The following ZBTB20 variants were observed in gnomAD, a reference collection of about 807,000 sequenced individuals.
ZBTB20 encodes the protein zinc finger and BTB domain-containing protein 20.
In ZBTB20, 9 loss-of-function variants were observed where a neutral mutation model predicts 56.9. The observed-to-expected ratio is 0.16, with a 90% CI of 0.10 to 0.28. ZBTB20 has a LOEUF of 0.28. Ranked by LOEUF, ZBTB20 falls within the 10% of genes least tolerant of loss-of-function variation. The pLI, the probability that ZBTB20 is intolerant of heterozygous loss-of-function variation, is 1.00. For missense variants in ZBTB20, 655 were observed against 1,003.0 expected (o/e 0.65, Z 4.69); for synonymous variants, 417 against 420.7 (o/e 0.99, Z 0.11).
At chr3:114,848,380 T>C (rs1004932057) in intron 4 of ZBTB20, among the ~76,000 whole-genome samples, 2 of 152,196 alleles carry the variant, frequency 1.3e-5, no homozygotes, top group African/African-American at 4.8e-5. Flanking sequence ...GGCACCGCTA[T>C]AGAGCACTCT....
chr3:114,380,506 G>C (rs2084185990), intron 9 of ZBTB20, 102 bp from the exon 10 acceptor site: 2 of 1,350,858 alleles, frequency 1.5e-6, no homozygotes, highest in African/African-American at 3.0e-5. Flanking sequence ...TTTCTGAAGG[G>C]GGATGGGAGG....
intron 1 of ZBTB20, among the ~76,000 whole-genome samples, chr3:115,123,605 G>A (rs2084242665): frequency 6.6e-6 from 1 of 152,118 alleles, no homozygotes; most frequent in South Asian, 2.1e-4. Flanking sequence ...CAATGACTGA[G>A]GGAAGTTCCT....
At chr3:114,916,253 T>A (rs1014135043) in intron 3 of ZBTB20, among the ~76,000 whole-genome samples, 4 of 152,116 alleles carry the variant, frequency 2.6e-5, no homozygotes, top group African/African-American at 9.7e-5. Context: ...GTATATTTAT[T>A]TACAGTTGTT....
chr3:115,011,219 CA>C (rs1560489222), intron 2 of ZBTB20, among the ~76,000 whole-genome samples: 1 of 151,808 alleles, frequency 6.6e-6, no homozygotes, highest in African/African-American at 2.4e-5. Flanking sequence ...GAGAAAGAGA[CA>C]GGGGTAGAAA....
At chr3:114,880,135 A>C (rs1246700475) in intron 4 of ZBTB20, among the ~76,000 whole-genome samples, 1 of 152,198 alleles carries the variant, frequency 6.6e-6, no homozygotes, top group Non-Finnish European at 1.5e-5. Context: ...TTCTGTGTGC[A>C]ATGATTAGTA....
chr3:115,000,451 T>A (rs959124664), intron 2 of ZBTB20, among the ~76,000 whole-genome samples: 2 of 151,568 alleles, frequency 1.3e-5, no homozygotes, highest in African/African-American at 4.8e-5. Flanking sequence ...TTCCTGTTAG[T>A]TTTGTGGACT....
rs1396543950 is a variant in ZBTB20, at chr3:114,687,774, T to C, written c.-295+5754A>G. The C allele has an allele frequency of 2.4e-4, 36 of 152,086 alleles. 1 individual carries two copies. The highest frequency in any genetic ancestry group is 2.4e-3 in the Admixed American group (36 of 15,262). 9.4% of individuals were successfully genotyped at this position (152,086 alleles called of 1,614,324 possible). Reference sequence around the variant, plus strand: ...TGGGTTTTATTTGATTTAAAGAAAATTGTGAGAGTTCTGATTCTACAAAGG... The same window carrying C: ...TGGGTTTTATTTGATTTAAAGAAAACTGTGAGAGTTCTGATTCTACAAAGG... On this transcript the variant is annotated intron_variant, in intron 6 of 11. Coordinates refer to ENST00000675478, the MANE Select transcript of ZBTB20 (RefSeq NM_001348800.3).
intron 4 of ZBTB20, among the ~76,000 whole-genome samples, chr3:114,844,686 T>G (rs907311711): frequency 6.6e-6 from 1 of 151,442 alleles, no homozygotes. Flanking sequence ...CAGCAACTTA[T>G]GAGGCTTCCA....
chr3:114,886,898 C>T (rs2076622337), intron 4 of ZBTB20, among the ~76,000 whole-genome samples: 1 of 152,106 alleles, frequency 6.6e-6, no homozygotes, highest in South Asian at 2.1e-4. Context: ...TTTCCTGTCG[C>T]CTATAACGGA....
intron 2 of ZBTB20, among the ~76,000 whole-genome samples, chr3:115,013,908 ATG>A (rs35762117): frequency 2.1e-3 from 304 of 147,662 alleles, no homozygotes; most frequent in Middle Eastern, 0.017. Flanking sequence ...CAATCCCTAT[ATG>A]TGTGTGTGTG....
rs149863155 is a variant in ZBTB20 at position 115,026,507 on chromosome 3, A to G, written c.-507+44712T>C. Among the ~76,000 whole-genome samples the G allele has an allele frequency of 3.9e-3, 590 of 151,058 alleles. 4 individuals carry two copies. The highest frequency in any genetic ancestry group is 0.013 in the African/African-American group (550 of 41,394). ...TGTGACAATCAGACGGACTCAAAGC[A>G]TGTCATAGTTTCACTTACGTATCTA... On this transcript the variant is annotated intron_variant, in intron 2 of 11. Coordinates refer to ENST00000675478, the MANE Select transcript of ZBTB20 (RefSeq NM_001348800.3).
At chr3:114,664,452 T>C (rs2108108217) in intron 6 of ZBTB20, among the ~76,000 whole-genome samples, 2 of 152,230 alleles carry the variant, frequency 1.3e-5, no homozygotes, top group Middle Eastern at 3.4e-3. Context: ...TATCAACCTG[T>C]CACTATGCAG....
intron 6 of ZBTB20, among the ~76,000 whole-genome samples, chr3:114,577,988 C>T (rs1402559): frequency 0.56 from 84,621 of 151,900 alleles, 24,828 homozygotes; most frequent in East Asian, 0.91. Context: ...GTAACATTCA[C>T]TCCAGATAAA....
At position 114,329,666 on chromosome 3, in the gene ZBTB20, C is replaced by T. The variant is rs1418259609; in HGVS notation, c.*9339G>A. ...TTCCAAATTCTATTTCTATTAGCCT[C>T]TGTGGATAAAGAGTTCCTGAAACTC... On this transcript the variant is annotated 3_prime_UTR_variant, in exon 12 of 12. Transcript: ENST00000675478. The T allele has an allele frequency of 5.8e-5, 7 of 119,828 alleles. No individual in the cohort carries two copies. Among genetic ancestry groups the T allele is most frequent in the African/African-American group, 2.2e-4 (7 of 31,756 alleles). The allele number at this position is 119,828 out of a possible 1,614,324, so 7.4% of individuals were successfully genotyped here.
intron 5 of ZBTB20, among the ~76,000 whole-genome samples, chr3:114,734,706 A>C (rs2066006743): frequency 6.6e-6 from 1 of 152,164 alleles, no homozygotes; most frequent in African/African-American, 2.4e-5. Context: ...GCAAGAAATA[A>C]ATGTGAGCTG....
At chr3:115,071,979 T>C (rs1043347906) in intron 1 of ZBTB20, among the ~76,000 whole-genome samples, 3 of 152,028 alleles carry the variant, frequency 2.0e-5, no homozygotes, top group African/African-American at 7.3e-5. Flanking sequence ...CCAAAGAGAA[T>C]GGAAGGGGCA....
At chr3:114,971,006 C>T (rs2077858772) in intron 3 of ZBTB20, among the ~76,000 whole-genome samples, 2 of 142,446 alleles carry the variant, frequency 1.4e-5, no homozygotes. Context: ...CAGAGCGAGA[C>T]TCCGTCAAAA....
chr3:114,515,603 C>T (rs1318383697), intron 6 of ZBTB20, among the ~76,000 whole-genome samples: 1 of 152,164 alleles, frequency 6.6e-6, no homozygotes, highest in East Asian at 1.9e-4. Context: ...AACCCATCCC[C>T]TACCCTTCAC....
intron 7 of ZBTB20, among the ~76,000 whole-genome samples, chr3:114,416,094 T>A (rs542936920): frequency 6.6e-6 from 1 of 152,162 alleles, no homozygotes; most frequent in South Asian, 2.1e-4. Flanking sequence ...ACTTAGCCAG[T>A]ATTACAGATT....
Sources: gnomAD v4.1 joint callset for allele counts (sites outside exome capture counted in the v4.1 genomes callset) on GRCh38, gnomAD v4.1.1 for gene constraint, MANE v1.5 for transcripts, NCBI Gene and HGNC (gene_info 2026-07-23, HGNC 2026-07-21) for gene names.